Variants in MUC5B observed in about 807,000 individuals in gnomAD.
MUC5B encodes mucin 5B, oligomeric mucus/gel-forming.
MUC5B carries 116 observed loss-of-function variants against 376.9 expected under a neutral mutation model. The observed-to-expected ratio is 0.31, with a 90% CI of 0.26 to 0.36. The LOEUF (loss-of-function observed/expected upper bound fraction) is 0.36, where lower values mean the gene tolerates loss of function less well. Among genes scored for constraint, MUC5B ranks in the 10% least tolerant of loss-of-function variants. MUC5B has a pLI of 1.00. For synonymous variants in MUC5B, 3,517 were observed against 3,390.9 expected, an observed-to-expected ratio of 1.04 and a Z score of -1.29; for missense variants, 7,165 against 7,769.9, an observed-to-expected ratio of 0.92 and a Z score of 2.93.
At position 1,236,465 on chromosome 11, in the gene MUC5B, G is replaced by A. The variant is rs1257475801; in HGVS notation, c.2960G>A (p.Arg987His). ...GPGGDPPYKI[R>H]YMGIFLVIET... is the part of the protein sequence containing the mutation. ...GGTGGGGACCCACCCTACAAGATACGCTACATGGGGATCTTCCTGGTCATC... is the reference window on the plus strand; with the variant it reads ...GGTGGGGACCCACCCTACAAGATACACTACATGGGGATCTTCCTGGTCATC... The change falls in exon 24 of 49, where the codon CGC becomes CAC. Residue 987 changes from arginine to histidine, a missense_variant. Physicochemically the swap from Arg to His is conservative, Grantham distance 29. Around this residue, in one of 31 missense-constraint regions of MUC5B, gnomAD observed 530 missense variants for 604.0 expected, o/e 0.88. Coordinates refer to ENST00000529681, the MANE Select transcript of MUC5B (RefSeq NM_002458.3). The A allele has an allele frequency of 9.3e-6, 15 of 1,612,874 alleles. 1 individual carries two copies. The highest frequency in any genetic ancestry group is 5.5e-5 in the South Asian group (5 of 91,084).
rs1281910359 is a variant in MUC5B, at chr11:1,247,995, C to T, written c.11115C>T (p.Ser3705=). 6.2e-7 allele frequency: 1 copy of T among 1,610,206 alleles called. No homozygotes were observed. Among genetic ancestry groups the T allele is most frequent in the East Asian group, 2.2e-5 (1 of 44,838 alleles). The stretch of plus-strand genomic sequence containing the variant: ...CCACAACAGCCACTACGACTGAGTC[C>T]ACTGGATCCACGGCCACCCCGTCCT... The part of the protein sequence containing the change: ...KLTTTATTTE[S]TGSTATPSST... Residue 3705 remains serine, a synonymous_variant, in exon 31 of 49, where the codon TCC becomes TCT. Transcript: ENST00000529681.
At position 1,234,703 on chromosome 11, in the gene MUC5B, G is replaced by C. The variant is rs528797354; in HGVS notation, c.2630+23G>C. On this transcript the variant is annotated intron_variant, in intron 21 of 48. Transcript: ENST00000529681. This position sits in a 1 kb window ranked among gnomAD's most constrained non-coding sequence, Gnocchi z 6.3. ...CTGGTGGGTCGTGAGTCTCTCGGAG[G>C]CAGCAGGTGGGGAGGGCGGGGGCGG... 19 of 1,348,200 alleles carry C rather than the reference G, an allele frequency of 1.4e-5. No homozygotes were observed. The East Asian group carries it at 4.3e-4, about 31-fold the overall frequency. 83.5% of individuals were successfully genotyped at this position (1,348,200 alleles called of 1,614,324 possible).
chr11:1,261,238 G>A (rs948164232), intron 48 of MUC5B, 151 bp from the exon 49 acceptor site: 1 of 669,330 alleles, frequency 1.5e-6, no homozygotes, highest in Non-Finnish European at 2.5e-6. Flanking sequence ...TCCTGAGAAG[G>A]TGAAGCCTCA....
intron 3 of MUC5B, 74 bp from the exon 4 acceptor site, chr11:1,226,541 G>A (rs1590167225): frequency 1.3e-6 from 2 of 1,519,474 alleles, no homozygotes; most frequent in Non-Finnish European, 1.8e-6. Flanking sequence ...CAAAAACCAG[G>A]GTGCCTCGGC....
In MUC5B at chr11:1,241,123, C is replaced by T. The variant is rs747041793; in HGVS notation, c.4243C>T (p.Pro1415Ser). Residue 1415 changes from proline (P) to serine (S), a missense_variant, in exon 31 of 49, where the codon CCG becomes TCG. Physicochemically the swap from Pro to Ser is moderately conservative, Grantham distance 74. Transcript: ENST00000529681. ...LMCANSQQSP[P>S]LCHDYELRVL... is the part of the protein sequence containing the mutation. The stretch of plus-strand genomic sequence containing the variant: ...GTGCGCCAACAGCCAACAGAGTCCC[C>T]CGCTCTGTCACGACTACGAGCTGCG... The T allele has an allele frequency of 4.3e-6, 7 of 1,611,936 alleles. No homozygotes were observed. Among genetic ancestry groups the T allele is most frequent in the South Asian group, 1.1e-5 (1 of 90,814 alleles).
Position 1,247,302 on chromosome 11 carries a change from C to T in MUC5B, c.10422C>T (p.Ala3474=). The T allele has an allele frequency of 6.2e-7, 1 of 1,611,700 alleles. No homozygotes were observed. Among genetic ancestry groups the T allele is most frequent in the Non-Finnish European group, 8.5e-7 (1 of 1,179,560 alleles). Residue 3474 remains alanine (A), a synonymous_variant, in exon 31 of 49, where the codon GCC becomes GCT. Coordinates refer to ENST00000529681, the MANE Select transcript of MUC5B (RefSeq NM_002458.3). ...CGGTGCGCACAGCCTGGACTTCGGCCACCTCGGGCATCTTGGGCACCACCC... is the reference window on the plus strand; with the variant it reads ...CGGTGCGCACAGCCTGGACTTCGGCTACCTCGGGCATCTTGGGCACCACCC... ...PHTVRTAWTS[A]TSGILGTTHI...
Position 1,228,624 on chromosome 11 carries a change from G to A in MUC5B, c.835G>A (p.Asp279Asn), listed in dbSNP as rs1431517831. The change falls in exon 8 of 49, where the codon GAC becomes AAC. Residue 279 changes from aspartate to asparagine, a missense_variant. By Grantham distance (23) the Asp-to-Asn change is conservative. Around this residue, in one of 31 missense-constraint regions of MUC5B, gnomAD observed 640 missense variants for 733.0 expected, o/e 0.87. Transcript: ENST00000529681. Reference protein sequence around the residue: ...PAFAECHALVDSTAYLAACAQ... With the variant: ...PAFAECHALVNSTAYLAACAQ... Reference sequence around the variant, plus strand: ...CTTTGCGGAGTGCCACGCACTGGTGGACAGCACTGCGTACCTGGCCGCCTG... The same window carrying A: ...CTTTGCGGAGTGCCACGCACTGGTGAACAGCACTGCGTACCTGGCCGCCTG... 1 of 1,533,990 alleles carries A rather than the reference G, an allele frequency of 6.5e-7. No homozygotes were observed. The highest frequency in any genetic ancestry group is 8.7e-7 in the Non-Finnish European group (1 of 1,146,158).
chr11:1,233,307 C>T, intron 18 of MUC5B, 39 bp downstream of exon 18: 1 of 1,477,228 alleles, frequency 6.8e-7, no homozygotes, highest in Non-Finnish European at 9.0e-7. Flanking sequence ...CCAGGTGCTC[C>T]TCAGAGCCAC....
chr11:1,242,765 C>G lies in MUC5B; in HGVS notation c.5885C>G (p.Ala1962Gly). Residue 1962 changes from alanine to glycine, a missense_variant, in exon 31 of 49, where the codon GCA (alanine) becomes GGA (glycine). Physicochemically the swap from Ala to Gly is moderately conservative, Grantham distance 60. This residue lies in a region of MUC5B where 897 missense variants were observed against 779.6 expected (regional missense o/e 1.15). Transcript: ENST00000529681. The part of the protein sequence containing the change: ...KATPSSSPGT[A>G]TALPALRSTA... ...ACTCCCTCCTCCAGTCCAGGGACTG[C>G]AACCGCCCTTCCAGCACTGAGAAGC... 1 of 1,613,464 alleles carries G rather than the reference C, an allele frequency of 6.2e-7. No individual in the cohort carries two copies. Among genetic ancestry groups the G allele is most frequent in the Non-Finnish European group, 8.5e-7 (1 of 1,179,606 alleles).
Position 1,257,624 on chromosome 11 carries a change from G to T in MUC5B, c.16364G>T (p.Gly5455Val). Reference protein sequence around the residue: ...QCKPLPCDAQGQPPPCNRPGF... With the variant: ...QCKPLPCDAQVQPPPCNRPGF... ...AAGCCCCTGCCCTGTGACGCCCAGG[G>T]TCAGCCCCCGCCGTGCAACCGTCCC... The change falls in exon 41 of 49, where the codon GGT becomes GTT. Residue 5455 changes from glycine to valine, a missense_variant. Physicochemically the swap from Gly to Val is moderately radical, Grantham distance 109. Coordinates refer to ENST00000529681, the MANE Select transcript of MUC5B (RefSeq NM_002458.3). The surrounding 1 kb of genome is among the most constrained non-coding windows in gnomAD (Gnocchi z 8.9). The T allele has an allele frequency of 6.2e-7, 1 of 1,601,722 alleles. No individual in the cohort carries two copies.
chr11:1,246,305 C>T lies in MUC5B; in HGVS notation c.9425C>T (p.Ala3142Val). 6.2e-7 allele frequency: 1 copy of T among 1,601,390 alleles called. No homozygotes were observed. Among genetic ancestry groups the T allele is most frequent in the Non-Finnish European group, 8.5e-7 (1 of 1,171,730 alleles). Residue 3142 changes from alanine (A) to valine (V), a missense_variant, in exon 31 of 49, where the codon GCC (alanine) becomes GTC (valine). Physicochemically the swap from Ala to Val is moderately conservative, Grantham distance 64 (BLOSUM62 0). Coordinates refer to ENST00000529681, the MANE Select transcript of MUC5B (RefSeq NM_002458.3). Reference protein sequence around the residue: ...TWILTELTTAATTTAATGPTA... With the variant: ...TWILTELTTAVTTTAATGPTA... ...ATCCTCACAGAGCTGACCACAGCAGCCACTACAACTGCAGCCACTGGCCCC... is the reference window on the plus strand; with the variant it reads ...ATCCTCACAGAGCTGACCACAGCAGTCACTACAACTGCAGCCACTGGCCCC...
rs773839853 is a variant in MUC5B, at chr11:1,231,559, C to T, written c.1677C>T (p.Cys559=). 2.5e-5 allele frequency: 39 copies of T among 1,571,104 alleles called. No individual in the cohort carries two copies. The highest frequency in any genetic ancestry group is 3.3e-4 in the Middle Eastern group (2 of 6,038). The change falls in exon 14 of 49, where the codon TGC becomes TGT. Residue 559 remains cysteine, a splice_region_variant and synonymous_variant. Coordinates refer to ENST00000529681, the MANE Select transcript of MUC5B (RefSeq NM_002458.3). ...RLDPAHQGQM[C]GLCGNFNQNQ... is the part of the protein sequence containing the mutation. ...ACCCCGCCCACCAGGGCCAGATGTG[C>T]GGTGAGGCTGGGCAGGGGCCTTCGG...
chr11:1,236,189 T>C (rs1255535660), intron 23 of MUC5B, among the ~76,000 whole-genome samples, 197 bp from the exon 24 acceptor site: 3 of 152,190 alleles, frequency 2.0e-5, no homozygotes, highest in Non-Finnish European at 4.4e-5. Context: ...AGGCAGCCCC[T>C]GTTCCCAGCA....
In MUC5B at chr11:1,244,205, C is replaced by T; in HGVS notation, c.7325C>T (p.Thr2442Ile). The stretch of plus-strand genomic sequence containing the variant: ...TGGATCCTCACAGAGCTGACCACAA[C>T]AGCCACTACGACTGAGTCCACTGGA... Reference protein sequence around the residue: ...TTWILTELTTTATTTESTGST... With the variant: ...TTWILTELTTIATTTESTGST... The change falls in exon 31 of 49, where the codon ACA (threonine) becomes ATA (isoleucine). Residue 2442 changes from threonine (T) to isoleucine (I), a missense_variant. Transcript: ENST00000529681. The T allele has an allele frequency of 6.2e-7, 1 of 1,612,470 alleles. No homozygotes were observed. Among genetic ancestry groups the T allele is most frequent in the Non-Finnish European group, 8.5e-7 (1 of 1,178,862 alleles).
chr11:1,247,994 C>A lies in MUC5B; in HGVS notation c.11114C>A (p.Ser3705Tyr). Residue 3705 changes from serine (S) to tyrosine (Y), a missense_variant, in exon 31 of 49, where the codon TCC becomes TAC. By Grantham distance (144) the Ser-to-Tyr change is moderately radical. Around this residue, in one of 31 missense-constraint regions of MUC5B, gnomAD observed 90 missense variants for 71.1 expected, o/e 1.27. Transcript: ENST00000529681. Reference sequence around the variant, plus strand: ...ACCACAACAGCCACTACGACTGAGTCCACTGGATCCACGGCCACCCCGTCC... The same window carrying A: ...ACCACAACAGCCACTACGACTGAGTACACTGGATCCACGGCCACCCCGTCC... ...KLTTTATTTE[S>Y]TGSTATPSST... 6.2e-7 allele frequency: 1 copy of A among 1,610,252 alleles called. No homozygotes were observed.
chr11:1,234,103 GC>G lies in MUC5B; in HGVS notation c.2378-101del. The G allele has an allele frequency of 1.0e-6, 1 of 997,460 alleles. No homozygotes were observed. The highest frequency in any genetic ancestry group is 1.5e-5 in the South Asian group (1 of 68,464). 61.8% of individuals were successfully genotyped at this position (997,460 alleles called of 1,614,324 possible). The stretch of plus-strand genomic sequence containing the variant: ...GTGTCATGGAAGCTTTGGCTCGGGG[GC>G]TGTTAACTTGATCAGCAGGACAGGC... On this transcript the variant is annotated intron_variant, in intron 19 of 48. Coordinates refer to ENST00000529681, the MANE Select transcript of MUC5B (RefSeq NM_002458.3). The surrounding 1 kb of genome is among the most constrained non-coding windows in gnomAD (Gnocchi z 6.3).
At chr11:1,239,403 G>T (rs1590175230) in intron 26 of MUC5B, 35 bp from the exon 27 acceptor site, 1 of 1,358,552 alleles carries the variant, frequency 7.4e-7, no homozygotes, top group Non-Finnish European at 1.0e-6. Context: ...GAGGGCTGGT[G>T]GGCGCCTCCT....
chr11:1,236,520 C>T lies in MUC5B; in HGVS notation c.3015C>T (p.Asp1005=), dbSNP rs1404276323. Residue 1005 remains aspartate, a synonymous_variant, in exon 24 of 49, where the codon GAC becomes GAT. Transcript: ENST00000529681. ...IETHGMAVSW[D]RKTSVFIRLH... Reference sequence around the variant, plus strand: ...CCCACGGGATGGCCGTGTCCTGGGACCGGAAGACCAGCGTGTTCATCCGAC... The same window carrying T: ...CCCACGGGATGGCCGTGTCCTGGGATCGGAAGACCAGCGTGTTCATCCGAC... 3.7e-6 allele frequency: 6 copies of T among 1,612,956 alleles called. No individual in the cohort carries two copies. Among genetic ancestry groups the T allele is most frequent in the Non-Finnish European group, 5.1e-6 (6 of 1,179,838 alleles).
At position 1,249,934 on chromosome 11, in the gene MUC5B, C is replaced by G; in HGVS notation, c.13054C>G (p.His4352Asp). 6.2e-7 allele frequency: 1 copy of G among 1,612,466 alleles called. No individual in the cohort carries two copies. Among genetic ancestry groups the G allele is most frequent in the Non-Finnish European group, 8.5e-7 (1 of 1,179,444 alleles). Residue 4352 changes from histidine (H) to aspartate (D), a missense_variant, in exon 31 of 49, where the codon CAC (histidine) becomes GAC (aspartate). By Grantham distance (81) the His-to-Asp change is moderately conservative (BLOSUM62 -1). Coordinates refer to ENST00000529681, the MANE Select transcript of MUC5B (RefSeq NM_002458.3). ...ACCCGTGGCCACCATGTCCACAATC[C>G]ACCCCTCCTCCACTCCGGAGACCAC... is the stretch of plus-strand genomic sequence containing the variant. ...TTPVATMSTI[H>D]PSSTPETTHT...
Sources: allele counts gnomAD v4.1 joint callset (sites outside exome capture counted in the v4.1 genomes callset), GRCh38; gene constraint gnomAD v4.1.1; regional missense constraint gnomAD v4.1.1; non-coding constraint Gnocchi (gnomAD v3.1); transcripts MANE v1.5; gene names NCBI Gene and HGNC (gene_info 2026-07-23, HGNC 2026-07-21).